The following GSE1 variants were observed in gnomAD, a reference collection of about 807,000 sequenced individuals.
The protein encoded by GSE1 is Gse1 coiled-coil protein.
GSE1 carries 32 observed loss-of-function variants against 112.6 expected under a neutral mutation model. The observed-to-expected ratio is 0.28, with a 90% CI of 0.21 to 0.38. The LOEUF (loss-of-function observed/expected upper bound fraction) is 0.38, where lower values mean the gene tolerates loss of function less well. GSE1 is among the 10% of genes least tolerant of loss of function. The pLI, the probability that GSE1 is intolerant of heterozygous loss-of-function variation, is 1.00. For missense variants in GSE1, 2,348 were observed against 1,699.2 expected (o/e 1.38, Z -6.71); for synonymous variants, 1,115 against 735.6 (o/e 1.52, Z -8.35).
At chr16:85,416,472 C>T (rs544858004) in intron 2 of GSE1, among the ~76,000 whole-genome samples, 95 of 152,272 alleles carry the variant, frequency 6.2e-4, no homozygotes, top group Admixed American at 4.4e-3. Flanking sequence ...CCGGGCGGTG[C>T]TTTCTGCCCA....
chr16:85,266,254 C>T (rs553347978), intron 1 of GSE1, among the ~76,000 whole-genome samples: 1 of 152,180 alleles, frequency 6.6e-6, no homozygotes, highest in East Asian at 1.9e-4. Flanking sequence ...GCTGGGCATG[C>T]GTCCTCTCTC....
chr16:85,620,986 C>T (rs1389017052), intron 1 of GSE1, among the ~76,000 whole-genome samples: 1 of 150,912 alleles, frequency 6.6e-6, no homozygotes, highest in East Asian at 2.0e-4. Context: ...GGTCTCGGCC[C>T]GGGGTCTCTG....
At chr16:85,193,137 A>G (rs894076209) in intron 1 of GSE1, among the ~76,000 whole-genome samples, 3 of 152,192 alleles carry the variant, frequency 2.0e-5, no homozygotes, top group Non-Finnish European at 2.9e-5. Context: ...TTTCTGGACT[A>G]TTAAGACTTC....
At chr16:85,669,201 G>A (rs1003743062) in intron 14 of GSE1, among the ~76,000 whole-genome samples, 1 of 152,266 alleles carries the variant, frequency 6.6e-6, no homozygotes, top group African/African-American at 2.4e-5. Context: ...CCTTCATTTT[G>A]CACTCACCAT....
intron 2 of GSE1, among the ~76,000 whole-genome samples, chr16:85,488,352 A>G (rs2050906715): frequency 6.6e-6 from 1 of 152,140 alleles, no homozygotes; most frequent in East Asian, 1.9e-4. Flanking sequence ...TCAGAGTACA[A>G]ACAGAGGATG....
chr16:85,354,196 C>T (rs1230402251), intron 1 of GSE1, among the ~76,000 whole-genome samples: 1 of 152,196 alleles, frequency 6.6e-6, no homozygotes, highest in Non-Finnish European at 1.5e-5. Flanking sequence ...GTGGTATTCC[C>T]TCTTGCCATC....
intron 2 of GSE1, among the ~76,000 whole-genome samples, chr16:85,521,805 C>T (rs757746749): frequency 4.6e-4 from 70 of 152,348 alleles, no homozygotes; most frequent in Non-Finnish European, 8.1e-4. Flanking sequence ...TGTTCTCACC[C>T]CATAAAATCC....
chr16:85,488,471 G>T (rs749261560), intron 2 of GSE1, among the ~76,000 whole-genome samples: 1 of 152,080 alleles, frequency 6.6e-6, no homozygotes, highest in African/African-American at 2.4e-5. Context: ...GCAGGGTCTT[G>T]TTGCAAGTCT....
At chr16:85,491,215 G>T (rs1244049996) in intron 2 of GSE1, among the ~76,000 whole-genome samples, 1 of 152,202 alleles carries the variant, frequency 6.6e-6, no homozygotes, top group Non-Finnish European at 1.5e-5. Context: ...GCAGCATCAG[G>T]CCTCAATTCA....
intron 1 of GSE1, among the ~76,000 whole-genome samples, chr16:85,199,091 T>G (rs950375304): frequency 9.2e-5 from 14 of 152,066 alleles, no homozygotes; most frequent in Admixed American, 7.9e-4. Context: ...ATCACAGGCA[T>G]GTGCTACCAT....
chr16:85,316,752 G>A (rs1321514545), intron 1 of GSE1, among the ~76,000 whole-genome samples: 1 of 152,220 alleles, frequency 6.6e-6, no homozygotes, highest in South Asian at 2.1e-4. Flanking sequence ...CATCCACAGT[G>A]GTGCTGTGGC....
chr16:85,443,214 C>T (rs537804602), intron 2 of GSE1, among the ~76,000 whole-genome samples: 1 of 152,352 alleles, frequency 6.6e-6, no homozygotes, highest in Non-Finnish European at 1.5e-5. Context: ...CAGCGTGCTG[C>T]TGCCTGCTCC....
At chr16:85,332,770 GC>G (rs1312740006) in intron 1 of GSE1, among the ~76,000 whole-genome samples, 2 of 151,990 alleles carry the variant, frequency 1.3e-5, no homozygotes, top group Non-Finnish European at 2.9e-5. Context: ...CCTCTGAAAC[GC>G]CCTTTCTCCC....
intron 2 of GSE1, among the ~76,000 whole-genome samples, chr16:85,465,302 C>T (rs754019098): frequency 1.3e-5 from 2 of 152,220 alleles, no homozygotes; most frequent in Non-Finnish European, 2.9e-5. Flanking sequence ...GTGCCACGCC[C>T]TGGCCCTTCG....
At chr16:85,511,023 G>A (rs964793372) in intron 2 of GSE1, among the ~76,000 whole-genome samples, 8 of 152,190 alleles carry the variant, frequency 5.3e-5, no homozygotes, top group East Asian at 1.9e-4. Flanking sequence ...GCACGTACCC[G>A]TAAAGCTCCA....
intron 2 of GSE1, among the ~76,000 whole-genome samples, chr16:85,449,414 G>T (rs576594572): frequency 1.3e-5 from 2 of 152,238 alleles, no homozygotes; most frequent in Admixed American, 6.5e-5. Flanking sequence ...GAGGCCGCAT[G>T]GGGGGCGGGG....
chr16:85,633,032 G>GCCGCCGCCGCTA (rs1267728963), intron 1 of GSE1, among the ~76,000 whole-genome samples: 1 of 152,142 alleles, frequency 6.6e-6, no homozygotes, highest in African/African-American at 2.4e-5. Flanking sequence ...CGCCGCCGCT[G>GCCGCCGCCGCTA]TCACCACTGG....
At chr16:85,532,034 C>T (rs2044155465) in intron 2 of GSE1, among the ~76,000 whole-genome samples, 1 of 152,200 alleles carries the variant, frequency 6.6e-6, no homozygotes, top group South Asian at 2.1e-4. Context: ...AAGTCTTCAG[C>T]ACAGGGCTTG....
chr16:85,170,361 G>T (rs1200926570), exon 1 of GSE1: 1 of 985,360 alleles, frequency 1.0e-6, no homozygotes, highest in Non-Finnish European at 1.2e-6. Flanking sequence ...AGGATCCCTG[G>T]CAAGGCCCTC....
Sources: allele counts gnomAD v4.1 joint callset (sites outside exome capture counted in the v4.1 genomes callset), GRCh38; gene constraint gnomAD v4.1.1; transcripts MANE v1.5; gene names NCBI Gene and HGNC (gene_info 2026-07-23, HGNC 2026-07-21).